DYRK1A: variants seen among roughly 807,000 people sequenced by gnomAD.
DYRK1A encodes dual specificity tyrosine-phosphorylation-regulated kinase 1A.
DYRK1A carries 9 observed loss-of-function variants against 79.7 expected under a neutral mutation model. The observed-to-expected ratio is 0.11, with a 90% CI of 0.07 to 0.20. DYRK1A has a LOEUF of 0.20. Among genes scored for constraint, DYRK1A ranks in the 10% least tolerant of loss-of-function variants. The probability of loss-of-function intolerance (pLI) is 1.00; values close to 1 mark genes in which losing one functional copy is unlikely to be tolerated. For synonymous variants in DYRK1A, 349 were observed against 329.7 expected (o/e 1.06, Z -0.63); for missense variants, 622 against 956.0 (o/e 0.65, Z 4.61).
intron 1 of DYRK1A, among the ~76,000 whole-genome samples, chr21:37,392,902 C>A (rs751136206): frequency 6.6e-6 from 1 of 152,226 alleles, no homozygotes; most frequent in Non-Finnish European, 1.5e-5. Flanking sequence ...GCTGCACCCT[C>A]TTGAGGGGAG....
At chr21:37,488,257 C>T (rs574574956) in intron 6 of DYRK1A, 84 of 702,200 alleles carry the variant, frequency 1.2e-4, no homozygotes, top group Non-Finnish European at 1.4e-4. Context: ...ATGGTGAATG[C>T]ATAACGTCTC....
At chr21:37,487,179 C>G (rs1468860187) in intron 6 of DYRK1A, 3 of 152,120 alleles carry the variant, frequency 2.0e-5, no homozygotes, top group African/African-American at 7.2e-5. Flanking sequence ...TTATAGCAGT[C>G]TTATAAGGAA....
At chr21:37,443,601 T>A (rs17458669) in intron 2 of DYRK1A, among the ~76,000 whole-genome samples, 9,646 of 152,238 alleles carry the variant, frequency 0.063, 1,030 homozygotes, top group African/African-American at 0.22. Context: ...ACCAGTGCAG[T>A]GTTTAATGAT....
chr21:37,368,161 G>T, intron 1 of DYRK1A: 1 of 152,632 alleles, frequency 6.6e-6, no homozygotes, highest in South Asian at 2.0e-4. Flanking sequence ...GGCGGCCCTG[G>T]GGGTCCGCGC....
rs2050441096 is a variant in DYRK1A at position 37,420,330 on chromosome 21, C to T, written c.-45C>T. 1.9e-6 allele frequency: 3 copies of T among 1,605,688 alleles called. No homozygotes were observed. Among genetic ancestry groups the T allele is most frequent in the Admixed American group, 1.7e-5 (1 of 59,514 alleles). ...AGTTTTGCCGCTGGACTCTTCCCTC[C>T]CTTCCCCCACCCCATCAGGATGATA... On this transcript the variant is annotated 5_prime_UTR_variant, in exon 2 of 12. Coordinates refer to ENST00000647188, the MANE Select transcript of DYRK1A (RefSeq NM_001347721.2).
At chr21:37,437,150 A>G (rs576844049) in intron 2 of DYRK1A, among the ~76,000 whole-genome samples, 4 of 152,284 alleles carry the variant, frequency 2.6e-5, no homozygotes, top group African/African-American at 9.6e-5. Context: ...TGAGGGCCCT[A>G]AGTGGTGGAT....
chr21:37,451,056 A>G (rs2051430707), intron 2 of DYRK1A, among the ~76,000 whole-genome samples: 1 of 152,246 alleles, frequency 6.6e-6, no homozygotes, highest in African/African-American at 2.4e-5. Context: ...TTTGAGAAAA[A>G]TGTTTAAAAA....
intron 2 of DYRK1A, chr21:37,421,697 T>C (rs1258385711): frequency 1.3e-5 from 2 of 152,166 alleles, no homozygotes; most frequent in Non-Finnish European, 2.9e-5. Flanking sequence ...CAAATAGGCA[T>C]ATTTACAGAA....
intron 1 of DYRK1A, among the ~76,000 whole-genome samples, chr21:37,370,160 ACTAT>A (rs2049401610): frequency 6.6e-6 from 1 of 152,214 alleles, no homozygotes; most frequent in African/African-American, 2.4e-5. Flanking sequence ...GAGGGCTATG[ACTAT>A]CTGCAAAAGG....
rs1253968215 is a variant in DYRK1A at position 37,520,418 on chromosome 21, TTTTC to T, written c.*7890_*7893del. 6.6e-6 allele frequency: 1 copy of T among 152,220 alleles called. No individual in the cohort carries two copies. The highest frequency in any genetic ancestry group is 1.5e-5 in the Non-Finnish European group (1 of 68,034). 9.4% of individuals were successfully genotyped at this position (152,220 alleles called of 1,614,324 possible). A position where few individuals can be genotyped will look rare whatever the true frequency, so the allele number is the denominator to read the frequency against. ...AGCAGTAAGGAAATAATTGCTGCTT[TTTTC>T]TTCTTCTTTATTCTGTTGACTTTGT... is the stretch of plus-strand genomic sequence containing the variant. On this transcript the variant is annotated 3_prime_UTR_variant, in exon 12 of 12. Coordinates refer to ENST00000647188, the MANE Select transcript of DYRK1A (RefSeq NM_001347721.2).
chr21:37,402,816 G>A (rs2050077357), intron 1 of DYRK1A, among the ~76,000 whole-genome samples: 1 of 152,014 alleles, frequency 6.6e-6, no homozygotes, highest in South Asian at 2.1e-4. Context: ...AGGCTGGAGT[G>A]CAATGGTGCC....
intron 5 of DYRK1A, among the ~76,000 whole-genome samples, chr21:37,483,388 C>T (rs993925621): frequency 3.9e-5 from 6 of 152,176 alleles, no homozygotes; most frequent in Middle Eastern, 3.2e-3. Context: ...CAAATATGAA[C>T]ATTTGTGTTA....
chr21:37,465,721 C>T (rs1479087720), intron 2 of DYRK1A, among the ~76,000 whole-genome samples: 1 of 151,958 alleles, frequency 6.6e-6, no homozygotes. Context: ...CCTGTAATCC[C>T]AGCTAGTTGG....
At chr21:37,369,953 T>C (rs1308042020) in intron 1 of DYRK1A, among the ~76,000 whole-genome samples, 1 of 152,222 alleles carries the variant, frequency 6.6e-6, no homozygotes, top group Non-Finnish European at 1.5e-5. Context: ...CATTCCATAT[T>C]AGTGTAATGT....
chr21:37,436,825 CAG>C (rs2050938421), intron 2 of DYRK1A, among the ~76,000 whole-genome samples: 1 of 152,126 alleles, frequency 6.6e-6, no homozygotes, highest in Non-Finnish European at 1.5e-5. Flanking sequence ...TTCAACCAGT[CAG>C]AGGGGACCTA....
chr21:37,385,934 A>G (rs1307983902), intron 1 of DYRK1A, among the ~76,000 whole-genome samples: 2 of 152,162 alleles, frequency 1.3e-5, no homozygotes, highest in East Asian at 1.9e-4. Flanking sequence ...GACAGCTCAC[A>G]TTAGCATATT....
rs1180100727 is a variant in DYRK1A, at chr21:37,513,514, C to T, written c.*983C>T. ...TTTTAAAATAGACTTTTGTGACCCA[C>T]TAATTGTAAGGTATTGCAAGGTCAC... On this transcript the variant is annotated 3_prime_UTR_variant, in exon 12 of 12. Transcript: ENST00000647188. The T allele has an allele frequency of 6.6e-6, 1 of 152,598 alleles. No homozygotes were observed. The highest frequency in any genetic ancestry group is 6.5e-5 in the Admixed American group (1 of 15,280). 9.5% of individuals were successfully genotyped at this position (152,598 alleles called of 1,614,324 possible). A position where few individuals can be genotyped will look rare whatever the true frequency, so the allele number is the denominator to read the frequency against.
chr21:37,432,060 T>A (rs2050790699), intron 2 of DYRK1A, among the ~76,000 whole-genome samples: 1 of 152,230 alleles, frequency 6.6e-6, no homozygotes, highest in Non-Finnish European at 1.5e-5. Flanking sequence ...ATTATAACTT[T>A]TAGCTGAATA....
At chr21:37,413,470 T>C (rs1156848513) in intron 1 of DYRK1A, among the ~76,000 whole-genome samples, 1 of 152,202 alleles carries the variant, frequency 6.6e-6, no homozygotes, top group Non-Finnish European at 1.5e-5. Flanking sequence ...AAGTTGGTGC[T>C]GTCAGAAGGG....
Sources: gnomAD v4.1 joint callset for allele counts (sites outside exome capture counted in the v4.1 genomes callset) on GRCh38, gnomAD v4.1.1 for gene constraint, MANE v1.5 for transcripts, NCBI Gene and HGNC (gene_info 2026-07-23, HGNC 2026-07-21) for gene names.